Variants in UGGT2 observed in about 807,000 individuals in gnomAD.
UGGT2 encodes the protein UDP-glucose glycoprotein glucosyltransferase 2.
In UGGT2, 180 loss-of-function variants were observed where a neutral mutation model predicts 192.1. The observed-to-expected ratio is 0.94, with a 90% CI of 0.83 to 1.06. The LOEUF is 1.06. Among genes scored for constraint, UGGT2 ranks in the 50% least tolerant of loss-of-function variants. The probability of loss-of-function intolerance (pLI) is 0.00; values close to 1 mark genes in which losing one functional copy is unlikely to be tolerated. For synonymous variants in UGGT2, 580 were observed against 591.0 expected, an observed-to-expected ratio of 0.98 and a Z score of 0.27; for missense variants, 1,849 against 1,795.7, an observed-to-expected ratio of 1.03 and a Z score of -0.54.
intron 7 of UGGT2, among the ~76,000 whole-genome samples, chr13:95,993,973 G>C (rs531351588): frequency 6.6e-6 from 1 of 152,028 alleles, no homozygotes; most frequent in South Asian, 2.1e-4. Context: ...AAAAAGGGGG[G>C]GGTATAACTT....
At chr13:95,931,850 G>A (rs991191172) in intron 17 of UGGT2, among the ~76,000 whole-genome samples, 55 of 152,250 alleles carry the variant, frequency 3.6e-4, no homozygotes, top group Non-Finnish European at 4.7e-4. Flanking sequence ...AGAGGGAGCC[G>A]GCTCCGGCCT....
At chr13:96,047,976 C>T (rs2053368190) in intron 1 of UGGT2, among the ~76,000 whole-genome samples, 1 of 152,112 alleles carries the variant, frequency 6.6e-6, no homozygotes, top group South Asian at 2.1e-4. Flanking sequence ...CAGCTCTGCA[C>T]CAAGCAGACC....
At chr13:96,048,044 C>A (rs2139232520) in intron 1 of UGGT2, among the ~76,000 whole-genome samples, 1 of 152,304 alleles carries the variant, frequency 6.6e-6, no homozygotes, top group East Asian at 1.9e-4. Context: ...TTCTTCTCAG[C>A]ACCACACCGC....
At chr13:95,895,325 AT>A in intron 22 of UGGT2, 21 bp from the exon 23 acceptor site, 1 of 1,310,312 alleles carries the variant, frequency 7.6e-7, no homozygotes, top group East Asian at 2.5e-5. Flanking sequence ...AAACAGTTAT[AT>A]TATCATATAT....
intron 17 of UGGT2, among the ~76,000 whole-genome samples, chr13:95,932,281 CTTAG>C (rs376865545): frequency 5.3e-4 from 78 of 147,518 alleles, no homozygotes; most frequent in African/African-American, 1.6e-3. Flanking sequence ...CTTTCATCTC[CTTAG>C]TTAGCTGTAT....
chr13:95,937,121 A>G, intron 16 of UGGT2, 33 bp from the exon 17 acceptor site: 1 of 1,557,510 alleles, frequency 6.4e-7, no homozygotes, highest in South Asian at 1.3e-5. Context: ...AGTGTTAAAC[A>G]AAATATGATT....
intron 4 of UGGT2, among the ~76,000 whole-genome samples, chr13:96,015,679 T>C (rs1306199386): frequency 2.0e-5 from 3 of 152,174 alleles, no homozygotes; most frequent in Non-Finnish European, 4.4e-5. Flanking sequence ...AGAAGTAGAG[T>C]ATAAAACTTC....
chr13:96,023,341 G>A (rs994556126), intron 3 of UGGT2, among the ~76,000 whole-genome samples, 189 bp from the exon 4 acceptor site: 3 of 151,816 alleles, frequency 2.0e-5, no homozygotes, highest in Non-Finnish European at 4.4e-5. Context: ...CTTTATCCTA[G>A]GAAAGACATG....
chr13:95,922,525 T>C (rs1433596496), intron 20 of UGGT2, among the ~76,000 whole-genome samples: 3 of 152,064 alleles, frequency 2.0e-5, no homozygotes, highest in Admixed American at 6.5e-5. Context: ...TAAATACAAA[T>C]AAGAAGCCAT....
At chr13:95,979,506 G>T (rs1414103770) in intron 10 of UGGT2, among the ~76,000 whole-genome samples, 2 of 103,006 alleles carry the variant, frequency 1.9e-5, no homozygotes, top group African/African-American at 7.3e-5. Flanking sequence ...GCAAAAACTA[G>T]AATAGGTAAA....
At chr13:96,023,344 A>G (rs1302761079) in intron 3 of UGGT2, among the ~76,000 whole-genome samples, 192 bp from the exon 4 acceptor site, 2 of 152,136 alleles carry the variant, frequency 1.3e-5, no homozygotes, top group African/African-American at 2.4e-5. Flanking sequence ...TATCCTAGGA[A>G]AGACATGCTT....
chr13:95,855,716 A>T (rs1454269443), intron 34 of UGGT2, among the ~76,000 whole-genome samples: 3 of 152,120 alleles, frequency 2.0e-5, no homozygotes, highest in Non-Finnish European at 4.4e-5. Context: ...AGATAGAGTG[A>T]TGAGAATTTG....
rs145289046 is a variant in UGGT2 at position 96,002,107 on chromosome 13, A to C, written c.661-2800T>G. 5.1e-4 allele frequency among the ~76,000 whole-genome samples: 77 copies of C among 152,338 alleles called. 1 individual carries two copies. The highest frequency in any genetic ancestry group is 1.7e-3 in the African/African-American group (72 of 41,568). Reference sequence around the variant, plus strand: ...ATATTTTTTAACAACATGAGGGGTCAGTATCTCTAACTCACACATGCTTAA... The same window carrying C: ...ATATTTTTTAACAACATGAGGGGTCCGTATCTCTAACTCACACATGCTTAA... On this transcript the variant is annotated intron_variant, in intron 5 of 38. Coordinates refer to ENST00000376747, the MANE Select transcript of UGGT2 (RefSeq NM_020121.4).
chr13:95,847,855 T>G (rs1244189031), intron 36 of UGGT2, among the ~76,000 whole-genome samples: 5 of 152,250 alleles, frequency 3.3e-5, no homozygotes, highest in Admixed American at 3.3e-4. Context: ...GGTAAGAGTT[T>G]GTTTAGTTTT....
At chr13:95,974,350 G>A (rs1163989831) in intron 10 of UGGT2, among the ~76,000 whole-genome samples, 4 of 152,092 alleles carry the variant, frequency 2.6e-5, no homozygotes, top group African/African-American at 4.8e-5. Context: ...ATCTGGCATC[G>A]AAACTTCACA....
At chr13:95,825,900 A>T (rs1300984176) in intron 38 of UGGT2, among the ~76,000 whole-genome samples, 3 of 152,080 alleles carry the variant, frequency 2.0e-5, no homozygotes, top group African/African-American at 7.2e-5. Flanking sequence ...TTCTCCTAGG[A>T]GTAGGAGTCT....
chr13:95,938,884 C>T (rs1015626296), intron 16 of UGGT2, among the ~76,000 whole-genome samples: 1 of 152,148 alleles, frequency 6.6e-6, no homozygotes, highest in Non-Finnish European at 1.5e-5. Flanking sequence ...GTCCATCTCA[C>T]ATCTCTCACC....
chr13:96,050,389 C>T (rs572810111), intron 1 of UGGT2, among the ~76,000 whole-genome samples: 1 of 152,230 alleles, frequency 6.6e-6, no homozygotes, highest in South Asian at 2.1e-4. Flanking sequence ...AGAAGAAAAC[C>T]TAGGCAATAC....
rs2052283825 is a variant in UGGT2, at chr13:96,015,015, A to C, written c.486-1534T>G. On this transcript the variant is annotated intron_variant, in intron 4 of 38. Transcript: ENST00000376747. ...GAAAGGCGGCCAGGCGCGGTGGCTC[A>C]GGCCTGAAATCCCAGCACTTTGGGA... 2.0e-5 allele frequency among the ~76,000 whole-genome samples: 3 copies of C among 152,292 alleles called. No individual in the cohort carries two copies. The South Asian group carries it at 6.2e-4, about 32-fold the overall frequency.
Sources: gnomAD v4.1 joint callset for allele counts (sites outside exome capture counted in the v4.1 genomes callset) on GRCh38, gnomAD v4.1.1 for gene constraint, MANE v1.5 for transcripts, NCBI Gene and HGNC (gene_info 2026-07-23, HGNC 2026-07-21) for gene names.